GALNTL6: variants seen among roughly 807,000 people sequenced by gnomAD.
GALNTL6 encodes the protein polypeptide N-acetylgalactosaminyltransferase like 6.
Under a neutral mutation model 73.7 loss-of-function variants are expected in GALNTL6, and 46 were observed. The observed-to-expected ratio is 0.62, with a 90% CI of 0.49 to 0.80. The LOEUF (loss-of-function observed/expected upper bound fraction) is 0.80, where lower values mean the gene tolerates loss of function less well. Ranked by LOEUF, GALNTL6 falls within the 30% of genes least tolerant of loss-of-function variation. The pLI is 0.00. For synonymous variants in GALNTL6, 259 were observed against 263.7 expected (o/e 0.98, Z 0.17); for missense variants, 604 against 755.0 (o/e 0.80, Z 2.34).
chr4:172,172,857 C>A (rs1161883377), intron 2 of GALNTL6, among the ~76,000 whole-genome samples: 5 of 152,198 alleles, frequency 3.3e-5, no homozygotes, highest in Admixed American at 3.3e-4. Flanking sequence ...ATTTACTAAT[C>A]CGCAGTCTTT....
intron 9 of GALNTL6, among the ~76,000 whole-genome samples, chr4:172,941,551 A>C (rs1448856948): frequency 6.6e-6 from 1 of 152,212 alleles, no homozygotes; most frequent in East Asian, 1.9e-4. Flanking sequence ...AACAAACTAC[A>C]TGGTGAGACC....
chr4:172,325,036 G>GA (rs570959836), intron 4 of GALNTL6, among the ~76,000 whole-genome samples: 162 of 150,674 alleles, frequency 1.1e-3, no homozygotes, highest in Non-Finnish European at 2.1e-3. Flanking sequence ...TCAAAAAGAA[G>GA]AAAAAATAAT....
At chr4:172,316,175 A>T (rs927760467) in intron 4 of GALNTL6, among the ~76,000 whole-genome samples, 2 of 152,204 alleles carry the variant, frequency 1.3e-5, no homozygotes, top group African/African-American at 4.8e-5. Context: ...ATATCTATGA[A>T]AAAAGGAATA....
rs535226425 is a variant in GALNTL6 at position 171,959,560 on chromosome 4, C to T, written c.138+144842C>T. On this transcript the variant is annotated intron_variant, in intron 2 of 12. Coordinates refer to ENST00000506823, the MANE Select transcript of GALNTL6 (RefSeq NM_001034845.3). ...TTCTTTTAGAATTTGTATATACATA[C>T]TTACTCAGAGCTGAGCATAGTGGCA... Among the ~76,000 whole-genome samples, 6 of 152,130 alleles carry T rather than the reference C, an allele frequency of 3.9e-5. No homozygotes were observed. In the South Asian group the frequency reaches 1.0e-3, roughly 26 times the overall value.
At chr4:172,193,886 A>G (rs930850662) in intron 2 of GALNTL6, among the ~76,000 whole-genome samples, 9 of 151,936 alleles carry the variant, frequency 5.9e-5, no homozygotes, top group African/African-American at 2.2e-4. Context: ...AAGAGAAATA[A>G]TCAACAAAAA....
intron 9 of GALNTL6, among the ~76,000 whole-genome samples, chr4:172,943,106 T>G (rs1748994200): frequency 2.6e-5 from 4 of 152,066 alleles, no homozygotes; most frequent in African/African-American, 9.7e-5. Context: ...TTTTTTTTTT[T>G]TTTTTACTTC....
rs928071870 is a variant in GALNTL6 at position 172,988,978 on chromosome 4, A to T, written c.1372-20200A>T. ...CTGCAGGGGCAAGCCCTCATGGAGA[A>T]CCTCTGCTAGGACAGTGCAGAGGGG... On this transcript the variant is annotated intron_variant, in intron 10 of 12. Transcript: ENST00000506823. 2.0e-5 allele frequency among the ~76,000 whole-genome samples: 3 copies of T among 152,292 alleles called. No individual in the cohort carries two copies. The East Asian group carries it at 5.8e-4, about 29-fold the overall frequency.
intron 2 of GALNTL6, among the ~76,000 whole-genome samples, chr4:171,856,999 A>G (rs1735711379): frequency 6.6e-6 from 1 of 152,192 alleles, no homozygotes; most frequent in Non-Finnish European, 1.5e-5. Flanking sequence ...TTCTGCATTC[A>G]TGAAATTTAT....
At chr4:172,043,313 T>C (rs1742138013) in intron 2 of GALNTL6, among the ~76,000 whole-genome samples, 1 of 152,030 alleles carries the variant, frequency 6.6e-6, no homozygotes, top group South Asian at 2.1e-4. Flanking sequence ...GTTTTTATTA[T>C]TACCATTCGT....
intron 2 of GALNTL6, among the ~76,000 whole-genome samples, chr4:171,895,956 T>C (rs1001726205): frequency 1.3e-5 from 2 of 149,622 alleles, no homozygotes. Flanking sequence ...AACAGCAGAA[T>C]GGAGTCAGCA....
intron 4 of GALNTL6, among the ~76,000 whole-genome samples, chr4:172,335,304 G>A (rs911810103): frequency 6.6e-6 from 1 of 152,164 alleles, no homozygotes; most frequent in Non-Finnish European, 1.5e-5. Context: ...ACTGATCGTG[G>A]TGAATTAACT....
intron 4 of GALNTL6, among the ~76,000 whole-genome samples, chr4:172,329,670 C>T (rs1472670737): frequency 1.3e-5 from 2 of 152,184 alleles, no homozygotes; most frequent in East Asian, 3.9e-4. Context: ...AGCTGCTGCA[C>T]TGTGCCAGGA....
chr4:172,577,048 A>T (rs1736982758), intron 5 of GALNTL6, among the ~76,000 whole-genome samples: 1 of 152,160 alleles, frequency 6.6e-6, no homozygotes, highest in South Asian at 2.1e-4. Flanking sequence ...GCTGGAAAGA[A>T]GGACAGAACC....
chr4:172,677,157 A>G (rs192027074), intron 5 of GALNTL6, among the ~76,000 whole-genome samples: 1 of 152,298 alleles, frequency 6.6e-6, no homozygotes, highest in Admixed American at 6.5e-5. Flanking sequence ...TAAACCTCCA[A>G]GTTTACTGCT....
At chr4:172,277,460 G>A (rs1285693740) in intron 3 of GALNTL6, among the ~76,000 whole-genome samples, 1 of 151,950 alleles carries the variant, frequency 6.6e-6, no homozygotes, top group Non-Finnish European at 1.5e-5. Context: ...CTGAATATTA[G>A]AGAAAAAATA....
At chr4:172,595,764 G>A (rs1354299505) in intron 5 of GALNTL6, among the ~76,000 whole-genome samples, 1 of 151,984 alleles carries the variant, frequency 6.6e-6, no homozygotes, top group Non-Finnish European at 1.5e-5. Flanking sequence ...TAGATAACAT[G>A]CTTCTGAAAA....
intron 5 of GALNTL6, among the ~76,000 whole-genome samples, chr4:172,786,546 G>C (rs1259325054): frequency 6.6e-6 from 1 of 152,000 alleles, no homozygotes; most frequent in Non-Finnish European, 1.5e-5. Context: ...TTTTGATTTG[G>C]TCTACTCAGA....
At chr4:172,316,721 C>T (rs1740573018) in intron 4 of GALNTL6, among the ~76,000 whole-genome samples, 3 of 152,150 alleles carry the variant, frequency 2.0e-5, no homozygotes, top group African/African-American at 4.8e-5. Flanking sequence ...TGAAAACATT[C>T]GCTTTATTAT....
intron 2 of GALNTL6, among the ~76,000 whole-genome samples, chr4:171,953,344 G>A (rs1305734175): frequency 1.3e-5 from 2 of 151,774 alleles, no homozygotes; most frequent in African/African-American, 4.8e-5. Context: ...CAGATATTAA[G>A]ACTTACTACT....
Sources: gnomAD v4.1 joint callset for allele counts (sites outside exome capture counted in the v4.1 genomes callset) on GRCh38, gnomAD v4.1.1 for gene constraint, MANE v1.5 for transcripts, NCBI Gene and HGNC (gene_info 2026-07-23, HGNC 2026-07-21) for gene names.